Variants in COL27A1 observed in about 807,000 individuals in gnomAD.
The protein encoded by COL27A1 is collagen alpha-1(XXVII) chain.
In COL27A1, 106 loss-of-function variants were observed where a neutral mutation model predicts 251.3. The ratio of observed to expected loss-of-function variants is 0.42; its 90% confidence interval spans 0.36 to 0.50. The LOEUF (loss-of-function observed/expected upper bound fraction) is 0.50. Among genes scored for constraint, COL27A1 ranks in the 20% least tolerant of loss-of-function variants. COL27A1 has a pLI of 0.00. For missense variants in COL27A1, 2,325 were observed against 2,522.8 expected (o/e 0.92, Z 1.68); for synonymous variants, 1,000 against 986.3 (o/e 1.01, Z -0.26).
chr9:114,222,164 G>A, intron 13 of COL27A1, 59 bp from the exon 14 acceptor site: 1 of 1,490,604 alleles, frequency 6.7e-7, no homozygotes, highest in South Asian at 1.1e-5. Context: ...ATGACATGGA[G>A]GGAGGGGCCC....
chr9:114,267,742 C>T (rs1007659882), intron 34 of COL27A1, among the ~76,000 whole-genome samples, 185 bp downstream of exon 34: 1 of 152,178 alleles, frequency 6.6e-6, no homozygotes, highest in African/African-American at 2.4e-5. Flanking sequence ...CACCAGTGCC[C>T]TCTGCGAGGT....
In COL27A1 at chr9:114,168,958, C is replaced by G. The variant is rs778471498; in HGVS notation, c.1403C>G (p.Ala468Gly). 3 of 1,614,132 alleles carry G rather than the reference C, an allele frequency of 1.9e-6. No individual in the cohort carries two copies. The Admixed American group carries it at 5.0e-5, about 27-fold the overall frequency. Residue 468 changes from alanine (A) to glycine (G), a missense_variant, in exon 3 of 61, where the codon GCC becomes GGC. Transcript: ENST00000356083. ...ARTEAKITSH[A>G]SKPASARTST... ...ACTGAGGCCAAGATAACCAGCCATG[C>G]CAGTAAGCCGGCCTCTGCCCGCACC...
chr9:114,249,742 G>A (rs574491208), intron 24 of COL27A1, among the ~76,000 whole-genome samples: 20 of 152,178 alleles, frequency 1.3e-4, no homozygotes, highest in Admixed American at 2.0e-4. Context: ...GACAGGGAGC[G>A]GATTTTATGG....
chr9:114,178,192 A>G (rs1283679426), intron 3 of COL27A1, 99 bp from the exon 4 acceptor site: 3 of 1,009,164 alleles, frequency 3.0e-6, no homozygotes, highest in Middle Eastern at 2.1e-4. Flanking sequence ...CGGACTATCC[A>G]TGCCCACAGC....
At chr9:114,173,228 G>T (rs553124083) in intron 3 of COL27A1, among the ~76,000 whole-genome samples, 28 of 152,364 alleles carry the variant, frequency 1.8e-4, no homozygotes, top group Admixed American at 1.7e-3. Flanking sequence ...GGCGAGTCAA[G>T]GCCTTATTTA....
intron 4 of COL27A1, among the ~76,000 whole-genome samples, chr9:114,182,155 A>C (rs1304938475): frequency 6.7e-6 from 1 of 149,376 alleles, no homozygotes; most frequent in African/African-American, 2.5e-5. Context: ...CCTGGGCAGC[A>C]TAGCAAGACT....
intron 14 of COL27A1, among the ~76,000 whole-genome samples, chr9:114,228,450 T>C (rs1028845199): frequency 6.6e-6 from 1 of 152,208 alleles, no homozygotes; most frequent in Admixed American, 6.5e-5. Context: ...CAGAGGGGCC[T>C]GTGGACATGC....
intron 16 of COL27A1, among the ~76,000 whole-genome samples, chr9:114,234,768 G>A (rs10982118): frequency 0.62 from 93,725 of 151,958 alleles, 32,558 homozygotes; most frequent in South Asian, 0.83. Flanking sequence ...TGCTATAGCT[G>A]ATTAAAATAG....
At chr9:114,294,385 C>T (rs1354743739) in intron 49 of COL27A1, among the ~76,000 whole-genome samples, 2 of 151,588 alleles carry the variant, frequency 1.3e-5, no homozygotes, top group Non-Finnish European at 2.9e-5. Flanking sequence ...CAAGATATTA[C>T]AAGAAAAGGA....
intron 28 of COL27A1, among the ~76,000 whole-genome samples, chr9:114,262,938 A>ACTTT (rs564183631): frequency 3.1e-5 from 4 of 127,074 alleles, no homozygotes; most frequent in African/African-American, 1.2e-4. Flanking sequence ...TCCTTGTTTG[A>ACTTT]TTTTTTTTTT....
Position 114,301,149 on chromosome 9 carries a change from A to G in COL27A1, c.4755+24A>G, listed in dbSNP as rs778714445. 9 of 1,613,610 alleles carry G rather than the reference A, an allele frequency of 5.6e-6. No homozygotes were observed. The Admixed American group carries it at 1.3e-4, about 24-fold the overall frequency. On this transcript the variant is annotated intron_variant, in intron 52 of 60. Coordinates refer to ENST00000356083, the MANE Select transcript of COL27A1 (RefSeq NM_032888.4). The stretch of plus-strand genomic sequence containing the variant: ...CGGTATGTGTGGGGATTGGACAGGA[A>G]GACTCCGGGGTCCCCTTGCCTTCCT...
At chr9:114,187,832 T>C (rs983306699) in intron 5 of COL27A1, among the ~76,000 whole-genome samples, 10 of 152,258 alleles carry the variant, frequency 6.6e-5, no homozygotes, top group African/African-American at 2.4e-4. Flanking sequence ...CACTTTAAAT[T>C]AATATACAAA....
In COL27A1 at chr9:114,292,194, G is replaced by A. The variant is rs1419567341; in HGVS notation, c.4568G>A (p.Gly1523Glu). 1.3e-6 allele frequency: 2 copies of A among 1,555,342 alleles called. No homozygotes were observed. The highest frequency in any genetic ancestry group is 1.9e-5 in the Admixed American group (1 of 51,418). ...TGLPGNQGEP[G>E]SKGQPGDSGE... ...CTCCCTGGAAACCAGGGGGAGCCTG[G>A]GTCCAAAGGCCAGCCGGTGAGTGAG... is the stretch of plus-strand genomic sequence containing the variant. Residue 1523 changes from glycine to glutamate, a missense_variant, in exon 49 of 61, where the codon GGG becomes GAG. Physicochemically the swap from Gly to Glu is moderately conservative, Grantham distance 98. This residue lies in a region of COL27A1 where 153 missense variants were observed against 140.7 expected (regional missense o/e 1.09). Coordinates refer to ENST00000356083, the MANE Select transcript of COL27A1 (RefSeq NM_032888.4).
rs1011895669 is a variant in COL27A1, at chr9:114,265,315, G to A, written c.3340-107G>A. 5.1e-5 allele frequency: 63 copies of A among 1,235,248 alleles called. No individual in the cohort carries two copies. In the East Asian group the frequency reaches 7.5e-4, roughly 15 times the overall value. 76.5% of individuals were successfully genotyped at this position (1,235,248 alleles called of 1,614,324 possible). A position where few individuals can be genotyped will look rare whatever the true frequency, so the allele number is the denominator to read the frequency against. ...GTCTCAGCCTTCCCATCTGTCACCC[G>A]GTGTGGGAGGAGGGGACCCAAATAC... On this transcript the variant is annotated intron_variant, in intron 31 of 60. Coordinates refer to ENST00000356083, the MANE Select transcript of COL27A1 (RefSeq NM_032888.4).
At chr9:114,242,793 T>A (rs985021160) in intron 22 of COL27A1, among the ~76,000 whole-genome samples, 1 of 152,264 alleles carries the variant, frequency 6.6e-6, no homozygotes, top group Admixed American at 6.5e-5. Flanking sequence ...AGACTTTAAA[T>A]GTATTTATTC....
chr9:114,266,710 T>G, intron 33 of COL27A1, 92 bp downstream of exon 33: 1 of 1,162,954 alleles, frequency 8.6e-7, no homozygotes, highest in Non-Finnish European at 1.3e-6. Flanking sequence ...CTTTCTGCCA[T>G]TCCCTGTCCT....
intron 5 of COL27A1, 74 bp downstream of exon 5, chr9:114,183,149 G>A (rs1377995091): frequency 1.4e-6 from 2 of 1,419,538 alleles, no homozygotes; most frequent in African/African-American, 2.8e-5. Context: ...CTTCCCAGGG[G>A]TGCCTGGTGG....
At chr9:114,299,358 A>G (rs1000290704) in intron 49 of COL27A1, among the ~76,000 whole-genome samples, 1 of 152,232 alleles carries the variant, frequency 6.6e-6, no homozygotes, top group African/African-American at 2.4e-5. Flanking sequence ...ATGTGTAATA[A>G]TGGCAGGCTC....
intron 1 of COL27A1, among the ~76,000 whole-genome samples, chr9:114,161,217 A>T (rs1049455546): frequency 6.6e-6 from 1 of 152,076 alleles, no homozygotes; most frequent in African/African-American, 2.4e-5. Flanking sequence ...ACTCAACAAC[A>T]TATAAAGACT....
Sources: gnomAD v4.1 joint callset for allele counts (sites outside exome capture counted in the v4.1 genomes callset) on GRCh38, gnomAD v4.1.1 for gene constraint, gnomAD v4.1.1 regional missense constraint, MANE v1.5 for transcripts, NCBI Gene and HGNC (gene_info 2026-07-23, HGNC 2026-07-21) for gene names.